The following LRRC56 variants were observed in gnomAD, a reference collection of about 807,000 sequenced individuals.
The protein encoded by LRRC56 is leucine rich repeat containing 56, also known as leucine-rich repeat-containing protein 56.
LRRC56 carries 41 observed loss-of-function variants against 47.8 expected under a neutral mutation model. The ratio of observed to expected loss-of-function variants is 0.86; its 90% CI spans 0.67 to 1.11. The LOEUF (loss-of-function observed/expected upper bound fraction) is 1.11. LRRC56 is among the 50% of genes most tolerant of loss of function. The pLI is 0.00. For missense variants in LRRC56, 759 were observed against 704.2 expected, an observed-to-expected ratio of 1.08 and a Z score of -0.88; for synonymous variants, 387 against 311.2, an observed-to-expected ratio of 1.24 and a Z score of -2.56.
At chr11:533,230 C>A, upstream of LRRC56, 2 of 1,483,048 alleles carry the variant, frequency 1.3e-6, no homozygotes, top group Non-Finnish European at 1.8e-6. Flanking sequence ...TGAGCCCAGA[C>A]CCCGGCCCTC....
upstream of LRRC56, chr11:532,594 C>A: frequency 6.3e-7 from 1 of 1,595,834 alleles, no homozygotes; most frequent in Non-Finnish European, 8.5e-7. Flanking sequence ...CGGGGTCATC[C>A]GGTGGGCGTG....
At chr11:544,165 C>T (rs149565801) in intron 5 of LRRC56, among the ~76,000 whole-genome samples, 41 of 152,348 alleles carry the variant, frequency 2.7e-4, no homozygotes, top group African/African-American at 9.6e-4. Context: ...TGTGCAGAAA[C>T]ACAGGCTGGG....
At chr11:546,272 CA>C (rs535983853) in intron 6 of LRRC56, among the ~76,000 whole-genome samples, 1 of 148,162 alleles carries the variant, frequency 6.7e-6, no homozygotes. Context: ...AACTCTGCCT[CA>C]AAAAAATAAA....
At position 549,979 on chromosome 11, in the gene LRRC56, C is replaced by T. The variant is rs1028384247; in HGVS notation, c.404C>T (p.Ala135Val). ...GGCCTCGCTGACCTGGATGGCATCG[C>T]CTCTTTGCCAGCACTTAAGGTGAGT... ...RCGLADLDGI[A>V]SLPALKELYA... Residue 135 changes from alanine (A) to valine (V), a missense_variant, in exon 7 of 14, where the codon GCC becomes GTC. By Grantham distance (64) the Ala-to-Val change is moderately conservative. Transcript: ENST00000270115. 6.2e-7 allele frequency: 1 copy of T among 1,612,862 alleles called. No individual in the cohort carries two copies. The highest frequency in any genetic ancestry group is 1.1e-5 in the South Asian group (1 of 91,080).
rs1490458787 is a variant in LRRC56 at position 540,760 on chromosome 11, C to T, written c.76C>T (p.Gln26Ter). ...SSVRVRELSWQGLHNPCPQSK... is the reference protein window; with the variant it reads ...SSVRVRELSW ...CGTCCGGGTGCGGGAGCTGAGCTGG[C>T]AAGGCCTGCACAACCCCTGCCCACA... Residue 26 changes from glutamine to a stop codon, truncating the protein, a stop_gained, in exon 4 of 14, where the codon CAA becomes TAA. Transcript: ENST00000270115. LOFTEE classifies it high-confidence loss of function. The T allele has an allele frequency of 4.3e-6, 7 of 1,611,306 alleles. No individual in the cohort carries two copies. In the East Asian group the frequency reaches 1.1e-4, roughly 26 times the overall value.
chr11:533,691 G>A (rs2133988879), upstream of LRRC56: 14 of 1,611,448 alleles, frequency 8.7e-6, no homozygotes, highest in Non-Finnish European at 1.2e-5. Flanking sequence ...GAGGACAGGA[G>A]GCCCCTGCCT....
At chr11:516,007 G>T in the LRRC56 span, among the ~76,000 whole-genome samples, 1 of 152,198 alleles carries the variant, frequency 6.6e-6, no homozygotes, top group Non-Finnish European at 1.5e-5. Context: ...GAGCATGTAT[G>T]TGAGGGTCTA....
upstream of LRRC56, chr11:532,778 A>C (rs1851186127): frequency 6.2e-7 from 1 of 1,610,782 alleles, no homozygotes; most frequent in Non-Finnish European, 8.5e-7. Flanking sequence ...GGATGGGATC[A>C]GGAGGGACCG....
chr11:533,156 A>T, upstream of LRRC56: 1 of 898,640 alleles, frequency 1.1e-6, no homozygotes, highest in Non-Finnish European at 1.6e-6. Context: ...GGCCTGGCTC[A>T]GGGCAGCTCT....
At chr11:531,918 C>A in the LRRC56 span, among the ~76,000 whole-genome samples, 1 of 152,220 alleles carries the variant, frequency 6.6e-6, no homozygotes, top group African/African-American at 2.4e-5. Context: ...AGGCTCCCAG[C>A]AGAGACCAGA....
At chr11:514,798 A>T in the LRRC56 span, among the ~76,000 whole-genome samples, 5 of 152,314 alleles carry the variant, frequency 3.3e-5, no homozygotes, top group Non-Finnish European at 4.4e-5. Context: ...GACTGGCTTT[A>T]TTGCGACATT....
the LRRC56 span, among the ~76,000 whole-genome samples, chr11:523,060 G>A: frequency 3.3e-5 from 5 of 151,010 alleles, no homozygotes; most frequent in East Asian, 5.9e-4. Context: ...ACTGAGCCTC[G>A]CTATATCACC....
intron 6 of LRRC56, among the ~76,000 whole-genome samples, chr11:549,320 G>C (rs73401702): frequency 1.3e-5 from 2 of 152,128 alleles, no homozygotes; most frequent in Admixed American, 1.3e-4. Flanking sequence ...GCAGGTGCAG[G>C]GTCCCTGGGG....
At chr11:532,687 A>C (rs759004302), upstream of LRRC56, 2 of 1,613,098 alleles carry the variant, frequency 1.2e-6, no homozygotes, top group Admixed American at 3.3e-5. Context: ...TCTCATCAGG[A>C]GGGTTCAGCT....
chr11:554,864 A>G lies in LRRC56; in HGVS notation c.*588A>G, dbSNP rs1483153317. 2 of 718,790 alleles carry G rather than the reference A, an allele frequency of 2.8e-6. No homozygotes were observed. The highest frequency in any genetic ancestry group is 4.2e-6 in the Non-Finnish European group (2 of 471,826). The allele number at this position is 718,790 out of a possible 1,614,324, so 44.5% of individuals were successfully genotyped here. A position where few individuals can be genotyped will look rare whatever the true frequency, so the allele number is the denominator to read the frequency against. On this transcript the variant is annotated 3_prime_UTR_variant, in exon 14 of 14. Coordinates refer to ENST00000270115, the MANE Select transcript of LRRC56 (RefSeq NM_198075.4). ...ATTTCCAGCTCTCAGGTGTACAGAAATGCGGTTTACTTTGTAGGCCACGTT... is the reference window on the plus strand; with the variant it reads ...ATTTCCAGCTCTCAGGTGTACAGAAGTGCGGTTTACTTTGTAGGCCACGTT...
chr11:537,513 C>G (rs181920602), upstream of LRRC56: 9 of 152,392 alleles, frequency 5.9e-5, no homozygotes, highest in East Asian at 1.2e-3. Flanking sequence ...CCGCGGCGGC[C>G]GGAAGAACAG....
chr11:552,061 TC>T, intron 11 of LRRC56, 28 bp from the exon 12 acceptor site: 1 of 1,602,210 alleles, frequency 6.2e-7, no homozygotes, highest in Non-Finnish European at 8.5e-7. Context: ...AGGGCCAGAA[TC>T]CCTAAAGCAG....
chr11:544,683 G>A, intron 5 of LRRC56, 37 bp from the exon 6 acceptor site: 2 of 1,610,028 alleles, frequency 1.2e-6, no homozygotes, highest in East Asian at 4.5e-5. Context: ...GGCGGGGTGA[G>A]GGGCCGGGCC....
chr11:541,524 T>A lies in LRRC56; in HGVS notation c.178-13T>A, dbSNP rs775939023. 2 of 1,520,826 alleles carry A rather than the reference T, an allele frequency of 1.3e-6. No homozygotes were observed. The highest frequency in any genetic ancestry group is 1.8e-6 in the Non-Finnish European group (2 of 1,124,184). The allele number at this position is 1,520,826 out of a possible 1,614,324, so 94.2% of individuals were successfully genotyped here. On this transcript the variant is annotated splice_polypyrimidine_tract_variant and intron_variant, in intron 4 of 13. Transcript: ENST00000270115. The surrounding 1 kb of genome is among the most constrained non-coding windows in gnomAD (Gnocchi z 4.1). Reference sequence around the variant, plus strand: ...AGCCAGGACCAGCGCTGACCCCCGGTTGGTTTCTACAGCAGGCCCTGGCCC... The same window carrying A: ...AGCCAGGACCAGCGCTGACCCCCGGATGGTTTCTACAGCAGGCCCTGGCCC...
Sources: gnomAD v4.1 joint callset for allele counts (sites outside exome capture counted in the v4.1 genomes callset) on GRCh38, gnomAD v4.1.1 for gene constraint, Gnocchi (gnomAD v3.1) non-coding constraint, MANE v1.5 for transcripts, NCBI Gene and HGNC (gene_info 2026-07-23, HGNC 2026-07-21) for gene names.